Variants in CRMP1 observed in about 807,000 individuals in gnomAD.
The protein encoded by CRMP1 is dihydropyrimidinase-related protein 1.
Under a neutral mutation model 68.3 loss-of-function variants are expected in CRMP1, and 19 were observed. The observed-to-expected ratio is 0.28, with a 90% CI of 0.19 to 0.41. The LOEUF is 0.41. Among genes scored for constraint, CRMP1 ranks in the 10% least tolerant of loss-of-function variants. The pLI is 1.00. For missense variants in CRMP1, 791 were observed against 967.4 expected (o/e 0.82, Z 2.42); for synonymous variants, 439 against 399.6 (o/e 1.10, Z -1.18).
intron 1 of CRMP1, chr4:5,887,707 G>T: frequency 3.0e-6 from 3 of 985,324 alleles, no homozygotes; most frequent in Non-Finnish European, 3.6e-6. Flanking sequence ...TCATGGCGCT[G>T]TCCCTAGGTC....
intron 1 of CRMP1, among the ~76,000 whole-genome samples, chr4:5,868,581 G>A (rs542845847): frequency 2.2e-3 from 340 of 152,074 alleles, no homozygotes; most frequent in African/African-American, 7.7e-3. Context: ...GATTACAGGC[G>A]TGAGCCACCG....
Position 5,860,400 on chromosome 4 carries a change from C to G in CRMP1, c.655+626G>C, listed in dbSNP as rs895836403. ...CACAGCCACTCCAGCCCCACTCCCA[C>G]TCCTGCACACCCTCAAATGAGAAAA... On this transcript the variant is annotated intron_variant, in intron 3 of 13. Coordinates refer to ENST00000324989, the MANE Select transcript of CRMP1 (RefSeq NM_001014809.3). The surrounding 1 kb of genome is among the most constrained non-coding windows in gnomAD (Gnocchi z 4.2). Among the ~76,000 whole-genome samples the G allele has an allele frequency of 7.2e-5, 11 of 152,204 alleles. No individual in the cohort carries two copies. The highest frequency in any genetic ancestry group is 2.7e-4 in the African/African-American group (11 of 41,456).
At position 5,825,197 on chromosome 4, in the gene CRMP1, G is replaced by A. The variant is rs1719343225; in HGVS notation, c.1969+297C>T. Reference sequence around the variant, plus strand: ...CATGTTTACTTTCATGAGGAAGAGTGTGAAAGTGTCCCCAAATGTGTGTAA... The same window carrying A: ...CATGTTTACTTTCATGAGGAAGAGTATGAAAGTGTCCCCAAATGTGTGTAA... On this transcript the variant is annotated intron_variant, in intron 13 of 13. Coordinates refer to ENST00000324989, the MANE Select transcript of CRMP1 (RefSeq NM_001014809.3). The surrounding 1 kb of genome is among the most constrained non-coding windows in gnomAD (Gnocchi z 4.4). 14 of 985,256 alleles carry A rather than the reference G, an allele frequency of 1.4e-5. No individual in the cohort carries two copies. Among genetic ancestry groups the A allele is most frequent in the Non-Finnish European group, 1.7e-5 (14 of 829,936 alleles). The allele number at this position is 985,256 out of a possible 1,614,324, so 61.0% of individuals were successfully genotyped here.
At chr4:5,835,389 A>G (rs1720664433) in intron 11 of CRMP1, among the ~76,000 whole-genome samples, 2 of 152,330 alleles carry the variant, frequency 1.3e-5, no homozygotes, top group Admixed American at 6.5e-5. Context: ...TTGCTGGATG[A>G]GTGGAGAAAT....
rs1716025845 is a variant in CRMP1, at chr4:5,893,058, C to A, written c.-89G>T. 4 of 902,368 alleles carry A rather than the reference C, an allele frequency of 4.4e-6. No individual in the cohort carries two copies. In the East Asian group the frequency reaches 4.4e-4, roughly 100 times the overall value. The allele number at this position is 902,368 out of a possible 1,614,324, so 55.9% of individuals were successfully genotyped here. ...GTGCGCCGCGCTCCGCGCCTCGGTG[C>A]GGGCCTGCGGCGGCCCGGGCGCGAC... On this transcript the variant is annotated 5_prime_UTR_variant, in exon 1 of 14. Coordinates refer to ENST00000324989, the MANE Select transcript of CRMP1 (RefSeq NM_001014809.3).
At chr4:5,833,160 T>A (rs1000288564) in intron 11 of CRMP1, among the ~76,000 whole-genome samples, 2 of 67,102 alleles carry the variant, frequency 3.0e-5, no homozygotes, top group African/African-American at 1.3e-4. Context: ...CTTCCAGAAC[T>A]TTTTTTTTTT....
At chr4:5,844,064 G>A (rs542151925) in intron 6 of CRMP1, among the ~76,000 whole-genome samples, 7 of 152,152 alleles carry the variant, frequency 4.6e-5, no homozygotes, top group African/African-American at 7.2e-5. Flanking sequence ...ACATCACCCC[G>A]TCATGAACCC....
intron 6 of CRMP1, among the ~76,000 whole-genome samples, chr4:5,845,085 T>C (rs1206888191): frequency 6.6e-6 from 1 of 152,186 alleles, no homozygotes; most frequent in African/African-American, 2.4e-5. Context: ...ATTGAGCAAA[T>C]GGAGCCGGAC....
chr4:5,835,956 G>T lies in CRMP1; in HGVS notation c.1582C>A (p.Pro528Thr). 6.3e-7 allele frequency: 1 copy of T among 1,586,542 alleles called. No homozygotes were observed. Among genetic ancestry groups the T allele is most frequent in the Non-Finnish European group, 8.6e-7 (1 of 1,166,512 alleles). ...GCTGTTATGGTCTTCAACTTGTCGG[G>T]GTCCCAGATGACCACGTCGGCATCC... The part of the protein sequence containing the change: ...GSDADVVIWD[P>T]DKLKTITAKS... Residue 528 changes from proline to threonine, a missense_variant, in exon 11 of 14, where the codon CCC becomes ACC. Physicochemically the swap from Pro to Thr is conservative, Grantham distance 38. This residue lies in a region of CRMP1 where 594 missense variants were observed against 763.6 expected (regional missense o/e 0.78). Coordinates refer to ENST00000324989, the MANE Select transcript of CRMP1 (RefSeq NM_001014809.3).
At position 5,854,348 on chromosome 4, in the gene CRMP1, C is replaced by T. The variant is rs1712881679; in HGVS notation, c.820+1795G>A. On this transcript the variant is annotated intron_variant, in intron 4 of 13. Coordinates refer to ENST00000324989, the MANE Select transcript of CRMP1 (RefSeq NM_001014809.3). This position sits in a 1 kb window ranked among gnomAD's most constrained non-coding sequence, Gnocchi z 4.0. ...AACCTCCCAAACTCAAGCAATGCTCCTGCTCAGCCTCCCAAGTAGCTGGGA... is the reference window on the plus strand; with the variant it reads ...AACCTCCCAAACTCAAGCAATGCTCTTGCTCAGCCTCCCAAGTAGCTGGGA... 6.6e-6 allele frequency among the ~76,000 whole-genome samples: 1 copy of T among 151,226 alleles called. No individual in the cohort carries two copies.
intron 6 of CRMP1, among the ~76,000 whole-genome samples, chr4:5,845,068 G>A (rs543019629): frequency 6.6e-5 from 10 of 152,300 alleles, no homozygotes; most frequent in East Asian, 5.8e-4. Context: ...GATCTCACAC[G>A]CCTCGGATTG....
chr4:5,836,904 C>G lies in CRMP1; in HGVS notation c.1313G>C (p.Gly438Ala). Reference protein sequence around the residue: ...PDYLTSLLACGDLQVTGSGHC... With the variant: ...PDYLTSLLACADLQVTGSGHC... Reference sequence around the variant, plus strand: ...GCCGCTGCCTGTGACCTGCAAGTCCCCACTGGCAAGGACAAAACAAGGTAG... The same window carrying G: ...GCCGCTGCCTGTGACCTGCAAGTCCGCACTGGCAAGGACAAAACAAGGTAG... The change falls in exon 10 of 14, where the codon GGG (glycine) becomes GCG (alanine). Residue 438 changes from glycine to alanine, a missense_variant and splice_region_variant. Physicochemically the swap from Gly to Ala is moderately conservative, Grantham distance 60. Coordinates refer to ENST00000324989, the MANE Select transcript of CRMP1 (RefSeq NM_001014809.3). 1 of 1,609,404 alleles carries G rather than the reference C, an allele frequency of 6.2e-7. No homozygotes were observed. Among genetic ancestry groups the G allele is most frequent in the South Asian group, 1.1e-5 (1 of 90,322 alleles).
At position 5,889,606 on chromosome 4, in the gene CRMP1, G is replaced by C; in HGVS notation, c.381+2983C>G. On this transcript the variant is annotated intron_variant, in intron 1 of 13. Transcript: ENST00000324989. The surrounding 1 kb of genome is among the most constrained non-coding windows in gnomAD (Gnocchi z 4.5). ...ACTGGACAGGTGCCCCAAGTTCCCA[G>C]GCAGAATAAAACACCAACCTTGTCC... 6.5e-7 allele frequency: 1 copy of C among 1,536,170 alleles called. No homozygotes were observed. Among genetic ancestry groups the C allele is most frequent in the Non-Finnish European group, 8.7e-7 (1 of 1,146,912 alleles).
chr4:5,869,553 A>G (rs1714286610), intron 1 of CRMP1, among the ~76,000 whole-genome samples: 2 of 151,956 alleles, frequency 1.3e-5, no homozygotes, highest in Non-Finnish European at 2.9e-5. Flanking sequence ...GTGTGGTGGC[A>G]GACGCCTGTA....
In CRMP1 at chr4:5,889,869, G is replaced by T; in HGVS notation, c.381+2720C>A. On this transcript the variant is annotated intron_variant, in intron 1 of 13. Transcript: ENST00000324989. The surrounding 1 kb of genome is among the most constrained non-coding windows in gnomAD (Gnocchi z 4.5). Reference sequence around the variant, plus strand: ...GCCTTAAAATAGAGGTGAGGTTTTAGCTTCACAGAGAAGCCAGCTCAGTAT... The same window carrying T: ...GCCTTAAAATAGAGGTGAGGTTTTATCTTCACAGAGAAGCCAGCTCAGTAT... 7.0e-7 allele frequency: 1 copy of T among 1,430,768 alleles called. No homozygotes were observed. Among genetic ancestry groups the T allele is most frequent in the Non-Finnish European group, 9.1e-7 (1 of 1,095,248 alleles). 88.6% of individuals were successfully genotyped at this position (1,430,768 alleles called of 1,614,324 possible). A position where few individuals can be genotyped will look rare whatever the true frequency, so the allele number is the denominator to read the frequency against.
chr4:5,875,928 G>A (rs1222509890), intron 1 of CRMP1, among the ~76,000 whole-genome samples: 5 of 152,076 alleles, frequency 3.3e-5, no homozygotes, highest in Non-Finnish European at 7.3e-5. Flanking sequence ...CGAAGCGGGT[G>A]GATCATGAGG....
rs34426438 is a variant in CRMP1, at chr4:5,842,598, T to TCA, written c.1032+493_1032+494dup. Among the ~76,000 whole-genome samples, 164 of 136,460 alleles carry TCA rather than the reference T, an allele frequency of 1.2e-3. No homozygotes were observed. Among genetic ancestry groups the TCA allele is most frequent in the South Asian group, 8.8e-3 (34 of 3,844 alleles). The allele number at this position is 136,460 out of a possible 152,430, so 89.5% of individuals were successfully genotyped here. ...CATGCACCCACACTCACACACTCTC[T>TCA]CACACACACACACACACACTCACTC... On this transcript the variant is annotated intron_variant, in intron 7 of 13. Transcript: ENST00000324989. The surrounding 1 kb of genome is among the most constrained non-coding windows in gnomAD (Gnocchi z 4.5).
rs1201026217 is a variant in CRMP1 at position 5,858,102 on chromosome 4, G to GA, written c.656-1796dup. On this transcript the variant is annotated intron_variant, in intron 3 of 13. Coordinates refer to ENST00000324989, the MANE Select transcript of CRMP1 (RefSeq NM_001014809.3). The surrounding 1 kb of genome is among the most constrained non-coding windows in gnomAD (Gnocchi z 5.5). Reference sequence around the variant, plus strand: ...CAGTCTCTTGGCCTCTCAGGGCACAGAGAGTCCCTCCCTCCTTCCTTAAAC... The same window carrying GA: ...CAGTCTCTTGGCCTCTCAGGGCACAGAAGAGTCCCTCCCTCCTTCCTTAAAC... 6.6e-6 allele frequency among the ~76,000 whole-genome samples: 1 copy of GA among 152,138 alleles called. No homozygotes were observed. The highest frequency in any genetic ancestry group is 1.5e-5 in the Non-Finnish European group (1 of 68,024).
At chr4:5,857,220 C>T (rs1713198430) in intron 3 of CRMP1, among the ~76,000 whole-genome samples, 1 of 151,786 alleles carries the variant, frequency 6.6e-6, no homozygotes, top group Non-Finnish European at 1.5e-5. Context: ...CCATCACCAG[C>T]ACCACCATCA....
Sources: gnomAD v4.1 joint callset for allele counts (sites outside exome capture counted in the v4.1 genomes callset) on GRCh38, gnomAD v4.1.1 for gene constraint, gnomAD v4.1.1 regional missense constraint, Gnocchi (gnomAD v3.1) non-coding constraint, MANE v1.5 for transcripts, NCBI Gene and HGNC (gene_info 2026-07-23, HGNC 2026-07-21) for gene names.